VPS11: variants seen among roughly 807,000 people sequenced by gnomAD.
VPS11 encodes the protein VPS11 core subunit of CORVET and HOPS complexes.
In VPS11, 51 loss-of-function variants were observed where a neutral mutation model predicts 106.8. The observed-to-expected ratio is 0.48, with a 90% CI of 0.38 to 0.60. The LOEUF (loss-of-function observed/expected upper bound fraction) is 0.60. VPS11 is among the 20% of genes least tolerant of loss of function. The pLI is 0.00. For synonymous variants in VPS11, 453 were observed against 458.7 expected (o/e 0.99, Z 0.16); for missense variants, 950 against 1,190.0 (o/e 0.80, Z 2.97).
Position 119,078,059 on chromosome 11 carries a change from G to C in VPS11, c.1754G>C (p.Gly585Ala), listed in dbSNP as rs1046660854. 1 of 1,610,914 alleles carries C rather than the reference G, an allele frequency of 6.2e-7. No individual in the cohort carries two copies. The change falls in exon 10 of 16, where the codon GGC becomes GCC. Residue 585 changes from glycine (G) to alanine (A), a missense_variant. Gly to Ala is a moderately conservative substitution (Grantham distance 60, BLOSUM62 0). Transcript: ENST00000621676. ...LEGRSDREAP[G>A]CRANSEEFIP... ...GGCCGCAGCGATAGGGAGGCCCCAG[G>C]CTGCAGGGTGAGGCTGCAGGGAAAA... is the stretch of plus-strand genomic sequence containing the variant.
At chr11:119,081,070 T>A in intron 14 of VPS11, 22 bp from the exon 15 acceptor site, 1 of 1,609,574 alleles carries the variant, frequency 6.2e-7, no homozygotes, top group Non-Finnish European at 8.5e-7. Flanking sequence ...TGCCACTCAC[T>A]TCTGGTCTTT....
chr11:119,068,063 G>A, intron 1 of VPS11, 53 bp downstream of exon 1: 4 of 1,522,306 alleles, frequency 2.6e-6, no homozygotes, highest in Non-Finnish European at 3.5e-6. Flanking sequence ...AAGAGATCGA[G>A]TTAGGATGAA....
In VPS11 at chr11:119,079,166, C is replaced by G. The variant is rs2134799875; in HGVS notation, c.2304C>G (p.Leu768=). 2 of 1,613,964 alleles carry G rather than the reference C, an allele frequency of 1.2e-6. No individual in the cohort carries two copies. Among genetic ancestry groups the G allele is most frequent in the Non-Finnish European group, 1.7e-6 (2 of 1,179,874 alleles). ...TGGCCCACAACTCCACAGCCACACT[C>G]TCCGTCATCAGGGACTACCTGGTCC... ...QTLAHNSTAT[L]SVIRDYLVQK... is the part of the protein sequence containing the mutation. The change falls in exon 14 of 16, where the codon CTC becomes CTG. Residue 768 remains leucine, a synonymous_variant. Coordinates refer to ENST00000621676, the MANE Select transcript of VPS11 (RefSeq NM_021729.6).
intron 3 of VPS11, 65 bp downstream of exon 3, chr11:119,069,642 C>T: frequency 6.2e-7 from 1 of 1,606,702 alleles, no homozygotes; most frequent in Non-Finnish European, 8.5e-7. Context: ...TTGCTTCTGC[C>T]TCTCATCTTT....
chr11:119,081,391 C>G, intron 15 of VPS11, 68 bp from the exon 16 acceptor site: 1 of 1,610,994 alleles, frequency 6.2e-7, no homozygotes, highest in Middle Eastern at 1.7e-4. Flanking sequence ...GTTTCCTTAT[C>G]ACCTCCTCAT....
intron 1 of VPS11, 156 bp from the exon 2 acceptor site, chr11:119,069,040 G>A: frequency 6.6e-6 from 3 of 454,238 alleles, no homozygotes; most frequent in Non-Finnish European, 1.1e-5. Context: ...GATTACAGGT[G>A]TGAGTCACCG....
intron 5 of VPS11, chr11:119,072,980 C>T (rs1945456264): frequency 1.7e-6 from 1 of 572,132 alleles, no homozygotes; most frequent in African/African-American, 1.9e-5. Flanking sequence ...ATTTTCTAAT[C>T]TGTTACTTGG....
chr11:119,076,437 A>G (rs975405913), intron 7 of VPS11, among the ~76,000 whole-genome samples: 2 of 151,812 alleles, frequency 1.3e-5, no homozygotes, highest in Non-Finnish European at 2.9e-5. Flanking sequence ...GAGGCAGAAG[A>G]ATCGCTTGAT....
At chr11:119,073,467 A>G (rs1168184753) in intron 6 of VPS11, 68 bp downstream of exon 6, 2 of 1,556,582 alleles carry the variant, frequency 1.3e-6, no homozygotes, top group Non-Finnish European at 1.7e-6. Context: ...AGGTTCCCCA[A>G]GTCATATTGG....
Position 119,073,474 on chromosome 11 carries a change from T to C in VPS11, c.1086+75T>C. The C allele has an allele frequency of 5.2e-6, 8 of 1,532,184 alleles. No individual in the cohort carries two copies. In the South Asian group the frequency reaches 8.4e-5, roughly 16 times the overall value. 94.9% of individuals were successfully genotyped at this position (1,532,184 alleles called of 1,614,324 possible). A position where few individuals can be genotyped will look rare whatever the true frequency, so the allele number is the denominator to read the frequency against. On this transcript the variant is annotated intron_variant, in intron 6 of 15. Transcript: ENST00000621676. ...GCAGGAGCAGGTTCCCCAAGTCATA[T>C]TGGCCAGGGTGTTTCCCTCCTTGTG...
In VPS11 at chr11:119,081,588, C is replaced by T. The variant is rs35871971; in HGVS notation, c.2791C>T (p.Arg931Cys). ...LTSSLEAGLQ[R>C]DLLMHSRRGT ...CTCCAGCCTGGAGGCTGGGCTGCAA[C>T]GCGACCTACTCATGCACTCCAGGAG... The change falls in exon 16 of 16, where the codon CGC (arginine) becomes TGC (cysteine). Residue 931 changes from arginine to cysteine, a missense_variant. Physicochemically the swap from Arg to Cys is radical, Grantham distance 180. Coordinates refer to ENST00000621676, the MANE Select transcript of VPS11 (RefSeq NM_021729.6). 437 of 1,613,972 alleles carry T rather than the reference C, an allele frequency of 2.7e-4. 2 individuals are homozygous for T. Among genetic ancestry groups the T allele is most frequent in the South Asian group, 1.6e-4 (15 of 91,088 alleles).
chr11:119,068,566 C>T (rs1945219437), intron 1 of VPS11, among the ~76,000 whole-genome samples: 2 of 150,736 alleles, frequency 1.3e-5, no homozygotes, highest in African/African-American at 2.4e-5. Context: ...CCTGCCACAG[C>T]CTCCCGAGTA....
At chr11:119,074,116 G>A (rs1030157548) in intron 7 of VPS11, among the ~76,000 whole-genome samples, 165 bp downstream of exon 7, 11 of 151,974 alleles carry the variant, frequency 7.2e-5, no homozygotes, top group African/African-American at 2.4e-4. Context: ...ATGGAGTTTC[G>A]CTCTTGTTGT....
rs889449601 is a variant in VPS11 at position 119,078,652 on chromosome 11, C to A, written c.2011C>A (p.Gln671Lys). ...CTTTGACAAGGCCCTGGTCCTGTGC[C>A]AGATGCACGACTTCCAGGATGGTGT... is the stretch of plus-strand genomic sequence containing the variant. ...DVFDKALVLCQMHDFQDGVLY... is the reference protein window; with the variant it reads ...DVFDKALVLCKMHDFQDGVLY... Residue 671 changes from glutamine to lysine, a missense_variant, in exon 12 of 16, where the codon CAG becomes AAG. Gln to Lys is a moderately conservative substitution (Grantham distance 53, BLOSUM62 1). Coordinates refer to ENST00000621676, the MANE Select transcript of VPS11 (RefSeq NM_021729.6). The A allele has an allele frequency of 1.2e-6, 2 of 1,613,652 alleles. No homozygotes were observed. The highest frequency in any genetic ancestry group is 1.7e-6 in the Non-Finnish European group (2 of 1,179,656).
intron 14 of VPS11, among the ~76,000 whole-genome samples, chr11:119,080,532 C>G (rs782233265): frequency 7.9e-5 from 12 of 151,426 alleles, no homozygotes; most frequent in Non-Finnish European, 1.3e-4. Flanking sequence ...TCATGCCTGG[C>G]TAATCTTTAT....
rs531801714 is a variant in VPS11 at position 119,081,407 on chromosome 11, A to G, written c.2662-52A>G. The G allele has an allele frequency of 5.6e-6, 9 of 1,612,190 alleles. No individual in the cohort carries two copies. The African/African-American group carries it at 8.0e-5, about 14-fold the overall frequency. On this transcript the variant is annotated intron_variant, in intron 15 of 15. Transcript: ENST00000621676. ...TTTCCTTATCACCTCCTCATTTAAG[A>G]AACAAGCACTTTGATTCTGATTCGT...
At chr11:119,072,545 C>T (rs1241561590) in intron 5 of VPS11, 1 of 153,592 alleles carries the variant, frequency 6.5e-6, no homozygotes, top group African/African-American at 2.4e-5. Context: ...TGCCCGCCCC[C>T]ATGCCCGGCT....
chr11:119,068,773 C>T (rs1016102325), intron 1 of VPS11, among the ~76,000 whole-genome samples: 1 of 143,578 alleles, frequency 7.0e-6, no homozygotes, highest in Non-Finnish European at 1.5e-5. Context: ...TTTTTTGAGA[C>T]GGACTTTCAC....
chr11:119,070,128 T>C (rs1945319587), intron 3 of VPS11, 106 bp from the exon 4 acceptor site: 1 of 1,149,070 alleles, frequency 8.7e-7, no homozygotes, highest in Non-Finnish European at 1.2e-6. Flanking sequence ...AGGTTGGGTA[T>C]ATGGAGAAAG....
Sources: gnomAD v4.1 joint callset for allele counts (sites outside exome capture counted in the v4.1 genomes callset) on GRCh38, gnomAD v4.1.1 for gene constraint, MANE v1.5 for transcripts, NCBI Gene and HGNC (gene_info 2026-07-23, HGNC 2026-07-21) for gene names.